Variants in CAD observed in about 807,000 individuals in gnomAD.
CAD encodes multifunctional protein CAD.
Under a neutral mutation model 237.2 loss-of-function variants are expected in CAD, and 81 were observed. The ratio of observed to expected loss-of-function variants is 0.34; its 90% CI spans 0.29 to 0.41. The LOEUF (loss-of-function observed/expected upper bound fraction) is 0.41, where lower values mean the gene tolerates loss of function less well. Ranked by LOEUF, CAD falls within the 10% of genes least tolerant of loss-of-function variation. CAD has a pLI of 1.00. For missense variants in CAD, 2,181 were observed against 2,951.7 expected (o/e 0.74, Z 6.05); for synonymous variants, 1,196 against 1,162.8 (o/e 1.03, Z -0.58).
intron 6 of CAD, 42 bp downstream of exon 6, chr2:27,223,079 T>G (rs753519995): frequency 6.3e-7 from 1 of 1,595,414 alleles, no homozygotes; most frequent in Non-Finnish European, 8.6e-7. Flanking sequence ...ACTTGTGGCA[T>G]GAGGGGTGGG....
chr2:27,232,199 A>AT lies in CAD; in HGVS notation c.2620_2621insT (p.Lys874IlefsTer31). 6.2e-7 allele frequency: 1 copy of AT among 1,614,196 alleles called. No homozygotes were observed. The highest frequency in any genetic ancestry group is 8.5e-7 in the Non-Finnish European group (1 of 1,180,044). ...GGCCAAGTGTCTTGGCTTCTCAGAC[A>AT]AACAGATTGCCCTTGCAGTTCTGAG... On this transcript the variant is annotated frameshift_variant, in exon 17 of 44. Coordinates refer to ENST00000264705, the MANE Select transcript of CAD (RefSeq NM_004341.5). LOFTEE classifies it high-confidence loss of function. This position sits in a 1 kb window ranked among gnomAD's most constrained non-coding sequence, Gnocchi z 4.1.
Position 27,233,200 on chromosome 2 carries a change from C to A in CAD, c.2991+60C>A. On this transcript the variant is annotated intron_variant, in intron 19 of 43. Transcript: ENST00000264705. The surrounding 1 kb of genome is among the most constrained non-coding windows in gnomAD (Gnocchi z 6.3). The stretch of plus-strand genomic sequence containing the variant: ...GGCCAGGGTCGAGTAGAACAGCTGG[C>A]TGACCTAAGATTCTTTGAAACTTGG... 6.6e-7 allele frequency: 1 copy of A among 1,506,210 alleles called. No individual in the cohort carries two copies. The highest frequency in any genetic ancestry group is 9.2e-7 in the Non-Finnish European group (1 of 1,082,748). 93.3% of individuals were successfully genotyped at this position (1,506,210 alleles called of 1,614,324 possible). A position where few individuals can be genotyped will look rare whatever the true frequency, so the allele number is the denominator to read the frequency against.
chr2:27,229,548 G>A (rs752523510), intron 15 of CAD, among the ~76,000 whole-genome samples: 10 of 152,086 alleles, frequency 6.6e-5, no homozygotes, highest in Non-Finnish European at 8.8e-5. Context: ...TGGATTACAG[G>A]TGAGAGCCAC....
In CAD at chr2:27,242,243, G is replaced by C; in HGVS notation, c.6097-59G>C. 2 of 1,583,546 alleles carry C rather than the reference G, an allele frequency of 1.3e-6. No individual in the cohort carries two copies. The highest frequency in any genetic ancestry group is 1.1e-5 in the South Asian group (1 of 87,560). On this transcript the variant is annotated intron_variant, in intron 39 of 43. Transcript: ENST00000264705. This position sits in a 1 kb window ranked among gnomAD's most constrained non-coding sequence, Gnocchi z 6.4. Reference sequence around the variant, plus strand: ...TGAGTGAGGGGACCCCAGAAGAGGGGGACTGGCAGTTGGGGGGCCTCTGAG... The same window carrying C: ...TGAGTGAGGGGACCCCAGAAGAGGGCGACTGGCAGTTGGGGGGCCTCTGAG...
chr2:27,233,628 T>A lies in CAD; in HGVS notation c.3219T>A (p.Ser1073=). 1 of 1,614,142 alleles carries A rather than the reference T, an allele frequency of 6.2e-7. No individual in the cohort carries two copies. Among genetic ancestry groups the A allele is most frequent in the Non-Finnish European group, 8.5e-7 (1 of 1,180,046 alleles). The change falls in exon 21 of 44, where the codon TCT becomes TCA. Residue 1073 remains serine (S), a splice_region_variant and synonymous_variant. Coordinates refer to ENST00000264705, the MANE Select transcript of CAD (RefSeq NM_004341.5). This position sits in a 1 kb window ranked among gnomAD's most constrained non-coding sequence, Gnocchi z 6.3. The part of the protein sequence containing the change: ...PQWRELSDLE[S]ARQFCQTVGY... ...GCTAAGCTCCCTGCCTCCTGTAGTC[T>A]GCTCGCCAATTCTGCCAGACCGTGG...
chr2:27,224,953 T>C (rs1675359603), intron 10 of CAD, 57 bp from the exon 11 acceptor site: 1 of 1,608,806 alleles, frequency 6.2e-7, no homozygotes, highest in Non-Finnish European at 8.5e-7. Context: ...TATTAAACTT[T>C]GATTGCCTCT....
chr2:27,234,149 C>T lies in CAD; in HGVS notation c.3541C>T (p.Arg1181Trp), dbSNP rs145562987. ...AGATATCACTGCCAAAACCCTGGAGCGGATCAAAGCCATTGTGCATGCTGT... is the reference window on the plus strand; with the variant it reads ...AGATATCACTGCCAAAACCCTGGAGTGGATCAAAGCCATTGTGCATGCTGT... ...PQDITAKTLE[R>W]IKAIVHAVGQ... The change falls in exon 22 of 44, where the codon CGG becomes TGG. Residue 1181 changes from arginine (R) to tryptophan (W), a missense_variant. Physicochemically the swap from Arg to Trp is moderately radical, Grantham distance 101 (BLOSUM62 -3). This residue lies in a region of CAD where 306 missense variants were observed against 607.9 expected (regional missense o/e 0.50). Transcript: ENST00000264705. 339 of 1,614,162 alleles carry T rather than the reference C, an allele frequency of 2.1e-4. 1 individual carries two copies. In the African/African-American group the frequency reaches 3.5e-3, roughly 17 times the overall value.
Position 27,236,847 on chromosome 2 carries a change from A to C in CAD, c.4396+17A>C. 1.2e-6 allele frequency: 2 copies of C among 1,611,614 alleles called. No individual in the cohort carries two copies. The highest frequency in any genetic ancestry group is 8.5e-7 in the Non-Finnish European group (1 of 1,177,970). ...GACTGCCGGGTAAGTCTTTGGGGAGAACTTGGCTTCTGAACACTGGCAGCC... is the reference window on the plus strand; with the variant it reads ...GACTGCCGGGTAAGTCTTTGGGGAGCACTTGGCTTCTGAACACTGGCAGCC... On this transcript the variant is annotated intron_variant, in intron 27 of 43. Transcript: ENST00000264705. The surrounding 1 kb of genome is among the most constrained non-coding windows in gnomAD (Gnocchi z 4.1).
intron 15 of CAD, 74 bp from the exon 16 acceptor site, chr2:27,231,394 A>G (rs1029793037): frequency 1.2e-6 from 1 of 825,802 alleles, no homozygotes; most frequent in African/African-American, 1.7e-5. Context: ...TATAAACCAT[A>G]AGCATTATGG....
chr2:27,226,790 T>C (rs1000250250), intron 14 of CAD, 42 bp from the exon 15 acceptor site: 1 of 1,612,116 alleles, frequency 6.2e-7, no homozygotes, highest in Non-Finnish European at 8.5e-7. Context: ...CCCTTTATGC[T>C]TCCTTCACTG....
chr2:27,231,576 A>T lies in CAD; in HGVS notation c.2396A>T (p.Asp799Val), dbSNP rs1184160791. Residue 799 changes from aspartate to valine, a missense_variant, in exon 16 of 44, where the codon GAT (aspartate) becomes GTT (valine). By Grantham distance (152) the Asp-to-Val change is radical (BLOSUM62 -3). Transcript: ENST00000264705. ...GFDHTVKPVS[D>V]MELETPTDKR... ...GATCACACAGTGAAACCAGTCAGCG[A>T]TATGGTAAGTAGCTCCCCTCCCCTG... 2 of 1,600,320 alleles carry T rather than the reference A, an allele frequency of 1.2e-6. No individual in the cohort carries two copies. The highest frequency in any genetic ancestry group is 2.7e-5 in the African/African-American group (2 of 74,660).
intron 2 of CAD, among the ~76,000 whole-genome samples, chr2:27,218,629 G>T (rs1047852101): frequency 2.6e-5 from 4 of 152,124 alleles, no homozygotes; most frequent in African/African-American, 9.7e-5. Context: ...GGCCTCGTCT[G>T]ATTCTCTGCT....
chr2:27,237,354 T>G lies in CAD; in HGVS notation c.4397-25T>G. 1 of 1,612,106 alleles carries G rather than the reference T, an allele frequency of 6.2e-7. No individual in the cohort carries two copies. Among genetic ancestry groups the G allele is most frequent in the African/African-American group, 1.3e-5 (1 of 75,022 alleles). On this transcript the variant is annotated intron_variant, in intron 27 of 43. Transcript: ENST00000264705. This position sits in a 1 kb window ranked among gnomAD's most constrained non-coding sequence, Gnocchi z 4.0. ...TTCCTATTTCTGAATCTTCCTGTAATCTTGCTGCTTCCATTTTCTCCCAGG... is the reference window on the plus strand; with the variant it reads ...TTCCTATTTCTGAATCTTCCTGTAAGCTTGCTGCTTCCATTTTCTCCCAGG...
Position 27,236,388 on chromosome 2 carries a change from T to A in CAD, c.4179T>A (p.Ile1393=), listed in dbSNP as rs143542688. The change falls in exon 26 of 44, where the codon ATT becomes ATA. Residue 1393 remains isoleucine (I), a synonymous_variant. Coordinates refer to ENST00000264705, the MANE Select transcript of CAD (RefSeq NM_004341.5). The surrounding 1 kb of genome is among the most constrained non-coding windows in gnomAD (Gnocchi z 4.1). ...QLAEKNFELV[I]NLSMRGAGGR... is the part of the protein sequence containing the mutation. The stretch of plus-strand genomic sequence containing the variant: ...CTGAGAAAAACTTTGAGCTGGTGAT[T>A]AACCTGTCAATGCGTGGAGCTGGGG... 320 of 1,614,214 alleles carry A rather than the reference T, an allele frequency of 2.0e-4. No homozygotes were observed. In the East Asian group the frequency reaches 7.1e-3, roughly 36 times the overall value.
rs1263767308 is a variant in CAD at position 27,240,862 on chromosome 2, T to G, written c.5594-49T>G. On this transcript the variant is annotated intron_variant, in intron 35 of 43. Coordinates refer to ENST00000264705, the MANE Select transcript of CAD (RefSeq NM_004341.5). The surrounding 1 kb of genome is among the most constrained non-coding windows in gnomAD (Gnocchi z 4.6). ...AGTTCCTGGGAATATGGGGTTTCTT[T>G]CCAAACCTCAGCCATAAATGTATAT... The G allele has an allele frequency of 1.3e-6, 2 of 1,599,720 alleles. No individual in the cohort carries two copies. Among genetic ancestry groups the G allele is most frequent in the Admixed American group, 3.3e-5 (2 of 59,902 alleles).
chr2:27,243,603 A>T lies in CAD; in HGVS notation c.*85A>T. ...CCTCCTACGGGGGCAGCACACTTAG[A>T]TATTCCTGGACATCCAGATAGCTCA... is the stretch of plus-strand genomic sequence containing the variant. On this transcript the variant is annotated 3_prime_UTR_variant, in exon 44 of 44. Transcript: ENST00000264705. 9 of 1,013,334 alleles carry T rather than the reference A, an allele frequency of 8.9e-6. No homozygotes were observed. Among genetic ancestry groups the T allele is most frequent in the Non-Finnish European group, 1.2e-5 (8 of 671,960 alleles). The allele number at this position is 1,013,334 out of a possible 1,614,324, so 62.8% of individuals were successfully genotyped here.
chr2:27,241,188 C>A lies in CAD; in HGVS notation c.5769C>A (p.Gly1923=). 6.2e-7 allele frequency: 1 copy of A among 1,612,728 alleles called. No individual in the cohort carries two copies. The highest frequency in any genetic ancestry group is 1.1e-5 in the South Asian group (1 of 90,906). Residue 1923 remains glycine (G), a synonymous_variant, in exon 37 of 44, where the codon GGC becomes GGA. Transcript: ENST00000264705. This position sits in a 1 kb window ranked among gnomAD's most constrained non-coding sequence, Gnocchi z 4.6. The part of the protein sequence containing the change: ...QTSPLLHSLV[G]QHILSVQQFT... ...CACCCCTGCTGCACTCATTAGTGGG[C>A]CAACATATCCTGTCCGTCCAGCAGT...
rs761642796 is a variant in CAD, at chr2:27,224,366, G to T, written c.1130G>T (p.Arg377Leu). ...GQTVRERLTE[R>L]LCPPGIPTPG... The stretch of plus-strand genomic sequence containing the variant: ...ACAGTTAGAGAGCGGCTGACTGAGC[G>T]CCTCTGTCCCCCTGGGATTCCCACT... Residue 377 changes from arginine to leucine, a missense_variant, in exon 9 of 44, where the codon CGC becomes CTC. This residue lies in a region of CAD where 129 missense variants were observed against 143.3 expected (regional missense o/e 0.90). Transcript: ENST00000264705. 7 of 1,614,036 alleles carry T rather than the reference G, an allele frequency of 4.3e-6. No homozygotes were observed. Among genetic ancestry groups the T allele is most frequent in the Admixed American group, 3.3e-5 (2 of 60,000 alleles).
In CAD at chr2:27,234,106, G is replaced by A. The variant is rs1484044392; in HGVS notation, c.3498G>A (p.Thr1166=). The stretch of plus-strand genomic sequence containing the variant: ...CAGGTGTGCATTCAGGTGATGCGAC[G>A]CTGGTGACCCCCCCACAAGATATCA... ...ENAGVHSGDA[T]LVTPPQDITA... is the part of the protein sequence containing the mutation. Residue 1166 remains threonine, a synonymous_variant, in exon 22 of 44, where the codon ACG becomes ACA. Transcript: ENST00000264705. 51 of 1,614,054 alleles carry A rather than the reference G, an allele frequency of 3.2e-5. No homozygotes were observed. The highest frequency in any genetic ancestry group is 3.7e-5 in the Non-Finnish European group (44 of 1,180,038).
Sources: gnomAD v4.1 joint callset for allele counts (sites outside exome capture counted in the v4.1 genomes callset) on GRCh38, gnomAD v4.1.1 for gene constraint, gnomAD v4.1.1 regional missense constraint, Gnocchi (gnomAD v3.1) non-coding constraint, MANE v1.5 for transcripts, NCBI Gene and HGNC (gene_info 2026-07-23, HGNC 2026-07-21) for gene names.